BICC1: variants seen among roughly 807,000 people sequenced by gnomAD.
BICC1 encodes protein bicaudal C homolog 1.
Under a neutral mutation model 111.0 loss-of-function variants are expected in BICC1, and 43 were observed. The observed-to-expected ratio is 0.39, with a 90% CI of 0.30 to 0.50. The LOEUF (loss-of-function observed/expected upper bound fraction) is 0.50, where lower values mean the gene tolerates loss of function less well. BICC1 is among the 20% of genes least tolerant of loss of function. BICC1 has a pLI of 0.88. For missense variants in BICC1, 1,091 were observed against 1,203.2 expected, an observed-to-expected ratio of 0.91 and a Z score of 1.38; for synonymous variants, 467 against 434.4, an observed-to-expected ratio of 1.07 and a Z score of -0.93.
intron 1 of BICC1, among the ~76,000 whole-genome samples, chr10:58,578,025 C>T (rs763491714): frequency 2.2e-4 from 34 of 152,130 alleles, no homozygotes; most frequent in Non-Finnish European, 3.7e-4. Flanking sequence ...TTATAGCCCT[C>T]ATTGACTTTT....
intron 1 of BICC1, among the ~76,000 whole-genome samples, chr10:58,572,248 G>A (rs1037103097): frequency 2.6e-4 from 40 of 152,134 alleles, no homozygotes; most frequent in African/African-American, 8.4e-4. Flanking sequence ...TGAATGGATT[G>A]CAAAAATTTT....
intron 2 of BICC1, among the ~76,000 whole-genome samples, chr10:58,638,837 CTTT>C (rs869102525): frequency 7.2e-4 from 5 of 6,906 alleles, no homozygotes; most frequent in East Asian, 0.12. Flanking sequence ...CTTTGAAATT[CTTT>C]TTTCTTTTCT....
At chr10:58,631,914 G>A (rs1837805301) in intron 2 of BICC1, among the ~76,000 whole-genome samples, 1 of 152,068 alleles carries the variant, frequency 6.6e-6, no homozygotes, top group South Asian at 2.1e-4. Context: ...TTTCCTATTG[G>A]CATTTGTAAA....
intron 3 of BICC1, among the ~76,000 whole-genome samples, chr10:58,735,815 A>T (rs532489635): frequency 6.6e-6 from 1 of 152,324 alleles, no homozygotes; most frequent in Non-Finnish European, 1.5e-5. Context: ...TATGTTCTTT[A>T]TACTACAAGG....
At chr10:58,650,605 T>C (rs1379386234) in intron 2 of BICC1, 2 of 152,204 alleles carry the variant, frequency 1.3e-5, no homozygotes, top group Non-Finnish European at 2.9e-5. Flanking sequence ...ACTATTCTTA[T>C]TCATGGCTCA....
At chr10:58,646,720 T>A (rs1004807667) in intron 2 of BICC1, among the ~76,000 whole-genome samples, 27 of 152,266 alleles carry the variant, frequency 1.8e-4, no homozygotes, top group Admixed American at 1.4e-3. Flanking sequence ...TGGAGATTCT[T>A]GTGAAAAATG....
intron 2 of BICC1, among the ~76,000 whole-genome samples, chr10:58,663,653 C>A (rs905465206): frequency 1.3e-5 from 2 of 152,146 alleles, no homozygotes; most frequent in African/African-American, 4.8e-5. Flanking sequence ...TTCAAGGGAT[C>A]TAGGTTATGC....
intron 1 of BICC1, among the ~76,000 whole-genome samples, chr10:58,609,842 AG>A (rs1469036773): frequency 2.0e-5 from 3 of 152,200 alleles, no homozygotes; most frequent in Admixed American, 6.5e-5. Context: ...ATTTTGGTAA[AG>A]GGTTAGGGTT....
At chr10:58,715,542 C>A (rs1840712975) in intron 3 of BICC1, 1 of 1,459,414 alleles carries the variant, frequency 6.9e-7, no homozygotes, top group Admixed American at 1.7e-5. Context: ...ACTGTGTGCT[C>A]AGTCCAGCAC....
chr10:58,617,319 T>C (rs1197278955), intron 1 of BICC1, among the ~76,000 whole-genome samples: 1 of 152,140 alleles, frequency 6.6e-6, no homozygotes. Context: ...CAAAGTGTGG[T>C]GCCTACTTGG....
chr10:58,825,499 A>G (rs1844368854), intron 20 of BICC1, among the ~76,000 whole-genome samples: 2 of 152,216 alleles, frequency 1.3e-5, no homozygotes, highest in South Asian at 4.1e-4. Flanking sequence ...CACATCTATT[A>G]TAACATGTTA....
chr10:58,714,199 A>G (rs903420100), intron 3 of BICC1, among the ~76,000 whole-genome samples: 2 of 152,352 alleles, frequency 1.3e-5, no homozygotes, highest in Non-Finnish European at 2.9e-5. Flanking sequence ...ATTAGAATCC[A>G]TAGTGTCTTC....
intron 1 of BICC1, among the ~76,000 whole-genome samples, chr10:58,525,401 A>G (rs1266113935): frequency 9.4e-6 from 1 of 106,268 alleles, no homozygotes; most frequent in Non-Finnish European, 2.2e-5. Flanking sequence ...GGATGAGTTC[A>G]TCTCCTTGGT....
At chr10:58,525,715 AAAT>A (rs138793987) in intron 1 of BICC1, among the ~76,000 whole-genome samples, 4 of 123,620 alleles carry the variant, frequency 3.2e-5, no homozygotes, top group South Asian at 2.6e-4. Flanking sequence ...ATAATAAAAA[AAAT>A]TTTTTAAAGC....
At chr10:58,774,019 A>G (rs1490993050) in intron 3 of BICC1, among the ~76,000 whole-genome samples, 2 of 152,182 alleles carry the variant, frequency 1.3e-5, no homozygotes, top group African/African-American at 4.8e-5. Flanking sequence ...AGATGTTGCC[A>G]TAAATGTTTG....
chr10:58,799,215 G>A lies in BICC1; in HGVS notation c.1688G>A (p.Gly563Asp). ...CATATCAACAGTATGCAGACCGAAG[G>A]CAAAAAAATCTCTGCTGCTTTAAAT... ...DVHINSMQTE[G>D]KKISAALNGH... Residue 563 changes from glycine (G) to aspartate (D), a missense_variant, in exon 12 of 21, where the codon GGC (glycine) becomes GAC (aspartate). Physicochemically the swap from Gly to Asp is moderately conservative, Grantham distance 94. Transcript: ENST00000373886. The A allele has an allele frequency of 6.2e-7, 1 of 1,611,622 alleles. No individual in the cohort carries two copies. The highest frequency in any genetic ancestry group is 8.5e-7 in the Non-Finnish European group (1 of 1,178,772).
At chr10:58,703,731 T>G (rs986709128) in intron 3 of BICC1, among the ~76,000 whole-genome samples, 1 of 152,230 alleles carries the variant, frequency 6.6e-6, no homozygotes, top group African/African-American at 2.4e-5. Context: ...GTCCTACTAC[T>G]TGAATAAATT....
At chr10:58,536,389 C>T (rs1842827062) in intron 1 of BICC1, among the ~76,000 whole-genome samples, 1 of 151,642 alleles carries the variant, frequency 6.6e-6, no homozygotes, top group Non-Finnish European at 1.5e-5. Flanking sequence ...TCTCAGACCA[C>T]AGCAGAATAA....
At chr10:58,734,533 A>G (rs890012593) in intron 3 of BICC1, among the ~76,000 whole-genome samples, 3 of 152,066 alleles carry the variant, frequency 2.0e-5, no homozygotes, top group African/African-American at 4.8e-5. Context: ...AATCTTGAAC[A>G]TTTTTCTTCA....
Sources: gnomAD v4.1 joint callset for allele counts (sites outside exome capture counted in the v4.1 genomes callset) on GRCh38, gnomAD v4.1.1 for gene constraint, MANE v1.5 for transcripts, NCBI Gene and HGNC (gene_info 2026-07-23, HGNC 2026-07-21) for gene names.